Variants in NRG3 observed in about 807,000 individuals in gnomAD.
NRG3 encodes the protein pro-neuregulin-3, membrane-bound isoform.
In NRG3, 31 loss-of-function variants were observed where a neutral mutation model predicts 66.9. The ratio of observed to expected loss-of-function variants is 0.46; its 90% CI spans 0.35 to 0.63. The LOEUF is 0.63. Among genes scored for constraint, NRG3 ranks in the 20% least tolerant of loss-of-function variants. NRG3 has a pLI of 0.00. For synonymous variants in NRG3, 393 were observed against 359.4 expected, an observed-to-expected ratio of 1.09 and a Z score of -1.06; for missense variants, 910 against 878.9, an observed-to-expected ratio of 1.04 and a Z score of -0.45.
chr10:82,868,988 G>A (rs1040595755), intron 4 of NRG3, among the ~76,000 whole-genome samples: 18 of 152,038 alleles, frequency 1.2e-4, no homozygotes, highest in East Asian at 3.9e-4. Context: ...CACCACACCC[G>A]GCTAGATTTA....
In NRG3 at chr10:82,559,174, T is replaced by C. The variant is rs150586742; in HGVS notation, c.954-179403T>C. On this transcript the variant is annotated intron_variant, in intron 2 of 8. Coordinates refer to ENST00000372141, the MANE Select transcript of NRG3 (RefSeq NM_001010848.4). ...CTCTTTCTTCCTAATACCATCCAGC[T>C]GATCATGGTAACCACTGTTGATTTC... Among the ~76,000 whole-genome samples the C allele has an allele frequency of 7.2e-5, 11 of 152,264 alleles. No individual in the cohort carries two copies. In the East Asian group the frequency reaches 2.1e-3, roughly 29 times the overall value.
chr10:82,398,493 G>A (rs1197239365), intron 2 of NRG3, among the ~76,000 whole-genome samples: 5 of 121,778 alleles, frequency 4.1e-5, no homozygotes, highest in Non-Finnish European at 7.3e-5. Flanking sequence ...CTTCGTGTAT[G>A]TGTGTGTGTG....
At chr10:82,773,171 T>G (rs2059780239) in intron 3 of NRG3, among the ~76,000 whole-genome samples, 1 of 152,186 alleles carries the variant, frequency 6.6e-6, no homozygotes, top group South Asian at 2.1e-4. Context: ...ATACTGTTTT[T>G]GATAATGGCT....
At chr10:82,498,941 T>C (rs1843877612) in intron 2 of NRG3, among the ~76,000 whole-genome samples, 1 of 152,106 alleles carries the variant, frequency 6.6e-6, no homozygotes, top group Non-Finnish European at 1.5e-5. Flanking sequence ...TTGGGAAGCT[T>C]GTAGACTCCA....
chr10:82,354,655 T>C (rs1186198564), intron 1 of NRG3, among the ~76,000 whole-genome samples: 5 of 152,080 alleles, frequency 3.3e-5, no homozygotes, highest in African/African-American at 2.4e-5. Flanking sequence ...GCCTCCCAAA[T>C]TGCTATGATT....
intron 8 of NRG3, among the ~76,000 whole-genome samples, chr10:82,982,308 ATCTT>A (rs1187586660): frequency 2.6e-5 from 4 of 152,202 alleles, no homozygotes; most frequent in Non-Finnish European, 5.9e-5. Flanking sequence ...AATAGTTGGA[ATCTT>A]TCTTCTTTAA....
intron 2 of NRG3, among the ~76,000 whole-genome samples, chr10:82,635,025 A>G (rs2133761298): frequency 6.6e-6 from 1 of 152,316 alleles, no homozygotes; most frequent in Non-Finnish European, 1.5e-5. Context: ...TAACAGAACT[A>G]GAAAGAATAC....
At chr10:82,698,855 G>A (rs923992468) in intron 2 of NRG3, among the ~76,000 whole-genome samples, 11 of 152,066 alleles carry the variant, frequency 7.2e-5, no homozygotes, top group African/African-American at 2.7e-4. Context: ...TCCACAATAT[G>A]CTTAACACTC....
At chr10:82,072,772 T>C (rs545262664) in intron 1 of NRG3, among the ~76,000 whole-genome samples, 1 of 151,776 alleles carries the variant, frequency 6.6e-6, no homozygotes, top group South Asian at 2.1e-4. Context: ...ATTTTATTAT[T>C]ATTATTTTTT....
intron 3 of NRG3, among the ~76,000 whole-genome samples, chr10:82,804,244 A>T (rs1293123584): frequency 1.3e-5 from 2 of 152,204 alleles, no homozygotes; most frequent in Non-Finnish European, 2.9e-5. Flanking sequence ...GAAAGAAAAA[A>T]TTATATGCTG....
chr10:82,804,423 G>T (rs1256389133), intron 3 of NRG3, among the ~76,000 whole-genome samples: 2 of 152,140 alleles, frequency 1.3e-5, no homozygotes, highest in Non-Finnish European at 2.9e-5. Context: ...GTGGGTGGAA[G>T]ACATGAACAG....
intron 1 of NRG3, among the ~76,000 whole-genome samples, chr10:82,265,924 G>A (rs2078272307): frequency 6.6e-6 from 1 of 152,180 alleles, no homozygotes. Flanking sequence ...CTTGTGGCAT[G>A]TGGAGAATTA....
At chr10:82,513,877 G>T (rs1192385611) in intron 2 of NRG3, among the ~76,000 whole-genome samples, 2 of 152,048 alleles carry the variant, frequency 1.3e-5, no homozygotes, top group Non-Finnish European at 2.9e-5. Flanking sequence ...TCATCATTCT[G>T]ACTGGCATGA....
At chr10:82,450,949 A>G (rs2090992851) in intron 2 of NRG3, among the ~76,000 whole-genome samples, 3 of 152,174 alleles carry the variant, frequency 2.0e-5, no homozygotes, top group Admixed American at 2.0e-4. Flanking sequence ...TCATTTAATC[A>G]CTAAATTGGT....
chr10:81,925,908 T>C (rs1846733701), intron 1 of NRG3, among the ~76,000 whole-genome samples: 1 of 152,070 alleles, frequency 6.6e-6, no homozygotes, highest in Non-Finnish European at 1.5e-5. Flanking sequence ...ATGATGATTC[T>C]TTTGTATAGC....
At chr10:82,852,336 T>C (rs2063599902) in intron 3 of NRG3, among the ~76,000 whole-genome samples, 1 of 152,070 alleles carries the variant, frequency 6.6e-6, no homozygotes, top group Non-Finnish European at 1.5e-5. Context: ...GACAAATACC[T>C]AATGCACACG....
intron 2 of NRG3, among the ~76,000 whole-genome samples, chr10:82,731,009 T>G (rs1446332379): frequency 6.6e-6 from 1 of 152,116 alleles, no homozygotes; most frequent in Non-Finnish European, 1.5e-5. Context: ...CCATCCTCTG[T>G]TTTTTGTTTG....
chr10:82,021,786 ATGTGTGTGTGTG>A (rs71950373), intron 1 of NRG3, among the ~76,000 whole-genome samples: 10 of 61,108 alleles, frequency 1.6e-4, no homozygotes, highest in African/African-American at 3.9e-4. Context: ...GGCATGTAGT[ATGTGTGTGTGTG>A]TGTGTGTGTG....
At chr10:82,873,915 T>TA (rs1841571090) in intron 4 of NRG3, among the ~76,000 whole-genome samples, 1 of 152,036 alleles carries the variant, frequency 6.6e-6, no homozygotes, top group South Asian at 2.1e-4. Context: ...TGTAATTTTT[T>TA]AAATCAAAAG....
Sources: allele counts gnomAD v4.1 joint callset (sites outside exome capture counted in the v4.1 genomes callset), GRCh38; gene constraint gnomAD v4.1.1; transcripts MANE v1.5; gene names NCBI Gene and HGNC (gene_info 2026-07-23, HGNC 2026-07-21).